Variants in GDI2 observed in about 807,000 individuals in gnomAD.
GDI2 encodes GDP dissociation inhibitor 2, also known as rab GDP dissociation inhibitor beta.
In GDI2, 22 loss-of-function variants were observed where a neutral mutation model predicts 54.2. That is an observed-to-expected ratio of 0.41 (90% confidence interval 0.29 to 0.58). GDI2 has a LOEUF of 0.58. Ranked by LOEUF, GDI2 falls within the 20% of genes least tolerant of loss-of-function variation. The probability of loss-of-function intolerance (pLI) is 0.35; values close to 1 mark genes in which losing one functional copy is unlikely to be tolerated. For synonymous variants in GDI2, 177 were observed against 182.1 expected, an observed-to-expected ratio of 0.97 and a Z score of 0.23; for missense variants, 422 against 546.0, an observed-to-expected ratio of 0.77 and a Z score of 2.26.
intron 1 of GDI2, among the ~76,000 whole-genome samples, chr10:5,808,716 A>C (rs1416180503): frequency 5.5e-5 from 4 of 72,344 alleles, no homozygotes; most frequent in South Asian, 7.8e-4. Flanking sequence ...AAAAAAAAAA[A>C]AACTACAAAT....
intron 2 of GDI2, among the ~76,000 whole-genome samples, chr10:5,799,036 T>G (rs568545053): frequency 1.3e-5 from 2 of 151,790 alleles, no homozygotes; most frequent in Admixed American, 1.3e-4. Context: ...TGAGGAGATT[T>G]GTAGATTAAG....
At chr10:5,778,409 G>A (rs993077181) in intron 6 of GDI2, among the ~76,000 whole-genome samples, 1 of 152,176 alleles carries the variant, frequency 6.6e-6, no homozygotes, top group Non-Finnish European at 1.5e-5. Context: ...TTCATGCATT[G>A]ACTATATGCA....
chr10:5,809,497 T>C (rs1223227151), intron 1 of GDI2, among the ~76,000 whole-genome samples: 4 of 152,168 alleles, frequency 2.6e-5, no homozygotes, highest in Non-Finnish European at 4.4e-5. Flanking sequence ...ATTCAAACCT[T>C]GCCAATATTT....
At chr10:5,785,061 ATTAT>A (rs1256748934) in intron 6 of GDI2, 77 bp downstream of exon 6, 5 of 913,842 alleles carry the variant, frequency 5.5e-6, no homozygotes, top group Non-Finnish European at 6.4e-6. Flanking sequence ...ATCTCATCTC[ATTAT>A]TTAAACTATA....
intron 3 of GDI2, 54 bp downstream of exon 3, chr10:5,796,709 A>T: frequency 1.1e-6 from 1 of 882,604 alleles, no homozygotes; most frequent in South Asian, 1.3e-5. Flanking sequence ...GTTAGTTTTG[A>T]TATTAAAATT....
chr10:5,771,946 T>C (rs1256885871), intron 7 of GDI2, among the ~76,000 whole-genome samples: 3 of 151,848 alleles, frequency 2.0e-5, no homozygotes, highest in South Asian at 2.1e-4. Context: ...AAAAATTAGC[T>C]GGGCATGGTG....
At chr10:5,798,020 T>G (rs1366420665) in intron 2 of GDI2, among the ~76,000 whole-genome samples, 1 of 152,230 alleles carries the variant, frequency 6.6e-6, no homozygotes, top group East Asian at 1.9e-4. Flanking sequence ...CATAAAGAAC[T>G]GCCTACTTCC....
At chr10:5,770,121 G>C (rs991533135) in intron 7 of GDI2, among the ~76,000 whole-genome samples, 1 of 152,136 alleles carries the variant, frequency 6.6e-6, no homozygotes, top group Non-Finnish European at 1.5e-5. Context: ...AAATAAACTA[G>C]TCACAAGAAG....
intron 2 of GDI2, among the ~76,000 whole-genome samples, chr10:5,798,735 T>C (rs957594230): frequency 5.9e-5 from 9 of 152,154 alleles, no homozygotes; most frequent in Non-Finnish European, 1.3e-4. Flanking sequence ...CGCAGCACTT[T>C]GGAAGGCCAA....
rs1335867491 is a variant in GDI2 at position 5,813,261 on chromosome 10, CG to C, written c.-4del. 1.3e-6 allele frequency: 2 copies of C among 1,576,088 alleles called. No homozygotes were observed. Among genetic ancestry groups the C allele is most frequent in the Admixed American group, 1.8e-5 (1 of 55,452 alleles). On this transcript the variant is annotated 5_prime_UTR_variant, in exon 1 of 11. Coordinates refer to ENST00000380191, the MANE Select transcript of GDI2 (RefSeq NM_001494.4). ...ATCACGTCGTACTCCTCATTCATGG[CG>C]GGGCAGGCGCGGACGCAGGACCCGA...
At chr10:5,773,153 G>GC (rs774777719) in intron 7 of GDI2, among the ~76,000 whole-genome samples, 1 of 151,836 alleles carries the variant, frequency 6.6e-6, no homozygotes, top group Non-Finnish European at 1.5e-5. Flanking sequence ...AACTGAAGAT[G>GC]CCCCCCACCC....
At chr10:5,794,066 A>G (rs1355341611) in intron 4 of GDI2, among the ~76,000 whole-genome samples, 17 of 150,808 alleles carry the variant, frequency 1.1e-4, no homozygotes, top group African/African-American at 4.2e-4. Context: ...CAGGAGGCTG[A>G]GGCAGGAGAA....
At chr10:5,795,373 T>C (rs1190776040) in intron 3 of GDI2, among the ~76,000 whole-genome samples, 1 of 152,112 alleles carries the variant, frequency 6.6e-6, no homozygotes, top group Non-Finnish European at 1.5e-5. Context: ...CCACCCACCT[T>C]GGCCTCCCAA....
intron 6 of GDI2, among the ~76,000 whole-genome samples, chr10:5,782,358 T>TAC (rs1277749688): frequency 6.6e-6 from 1 of 152,234 alleles, no homozygotes; most frequent in African/African-American, 2.4e-5. Context: ...AGAACTCTCA[T>TAC]ACACTGCTGA....
intron 1 of GDI2, among the ~76,000 whole-genome samples, chr10:5,807,475 A>G (rs1437928398): frequency 6.6e-6 from 1 of 152,238 alleles, no homozygotes; most frequent in Admixed American, 6.5e-5. Context: ...TAAATGTAAC[A>G]GGTAAGAGTA....
At position 5,776,590 on chromosome 10, in the gene GDI2, TAAAC is replaced by T; in HGVS notation, c.720-2653_720-2650del. 1 of 1,559,342 alleles carries T rather than the reference TAAAC, an allele frequency of 6.4e-7. No individual in the cohort carries two copies. The highest frequency in any genetic ancestry group is 8.8e-7 in the Non-Finnish European group (1 of 1,133,736). ...AGAATGAAAGATTAAGGAAAGAAAA[TAAAC>T]AACTCAAGGCTGAAAAGGGCAGACT... is the stretch of plus-strand genomic sequence containing the variant. On this transcript the variant is annotated intron_variant, in intron 6 of 10. Transcript: ENST00000380191. The surrounding 1 kb of genome is among the most constrained non-coding windows in gnomAD (Gnocchi z 5.3).
Position 5,768,144 on chromosome 10 carries a change from T to C in GDI2, c.991+69A>G. 7.6e-7 allele frequency: 1 copy of C among 1,313,154 alleles called. No individual in the cohort carries two copies. The highest frequency in any genetic ancestry group is 1.1e-6 in the Non-Finnish European group (1 of 922,072). The allele number at this position is 1,313,154 out of a possible 1,614,324, so 81.3% of individuals were successfully genotyped here. A position where few individuals can be genotyped will look rare whatever the true frequency, so the allele number is the denominator to read the frequency against. On this transcript the variant is annotated intron_variant, in intron 8 of 10. Transcript: ENST00000380191. This position sits in a 1 kb window ranked among gnomAD's most constrained non-coding sequence, Gnocchi z 4.4. ...AATACAGCATACAAAATTAGGAATTTGGGATAAAACACAAAGCAAATTATA... is the reference window on the plus strand; with the variant it reads ...AATACAGCATACAAAATTAGGAATTCGGGATAAAACACAAAGCAAATTATA...
At position 5,802,992 on chromosome 10, in the gene GDI2, AT is replaced by A. The variant is rs201563979; in HGVS notation, c.46-2288del. Among the ~76,000 whole-genome samples, 176 of 152,318 alleles carry A rather than the reference AT, an allele frequency of 1.2e-3. 2 individuals carry two copies. The East Asian group carries it at 0.027, about 23-fold the overall frequency. ...CAATAACCTGAAAGGCTATATTTAA[AT>A]TACTCCTCCCTTTTCCAATTACATG... On this transcript the variant is annotated intron_variant, in intron 1 of 10. Coordinates refer to ENST00000380191, the MANE Select transcript of GDI2 (RefSeq NM_001494.4).
chr10:5,801,102 C>T (rs1841260519), intron 1 of GDI2, among the ~76,000 whole-genome samples: 2 of 152,090 alleles, frequency 1.3e-5, no homozygotes, highest in Non-Finnish European at 2.9e-5. Flanking sequence ...CAGGTGCCCG[C>T]CACCACACCC....
Sources: gnomAD v4.1 joint callset for allele counts (sites outside exome capture counted in the v4.1 genomes callset) on GRCh38, gnomAD v4.1.1 for gene constraint, Gnocchi (gnomAD v3.1) non-coding constraint, MANE v1.5 for transcripts, NCBI Gene and HGNC (gene_info 2026-07-23, HGNC 2026-07-21) for gene names.